Variants in ADCY7 observed in about 807,000 individuals in gnomAD.
ADCY7 encodes adenylate cyclase type 7.
In ADCY7, 72 loss-of-function variants were observed where a neutral mutation model predicts 120.6. The ratio of observed to expected loss-of-function variants is 0.60; its 90% CI spans 0.49 to 0.73. ADCY7 has a LOEUF of 0.73. Among genes scored for constraint, ADCY7 ranks in the 30% least tolerant of loss-of-function variants. The pLI, the probability that ADCY7 is intolerant of heterozygous loss-of-function variation, is 0.00. For missense variants in ADCY7, 1,227 were observed against 1,486.0 expected (o/e 0.83, Z 2.87); for synonymous variants, 661 against 628.0 (o/e 1.05, Z -0.78).
chr16:50,310,484 G>T (rs2036383839), intron 18 of ADCY7: 1 of 1,536,502 alleles, frequency 6.5e-7, no homozygotes, highest in African/African-American at 1.4e-5. Context: ...CCGTTTAAAT[G>T]AGCTCACTTC....
chr16:50,261,415 A>G lies in ADCY7; in HGVS notation c.-64+15212A>G, dbSNP rs1195954912. ...AGGTGGAGGCAGATAAGGATGGAAA[A>G]GTGAGTTGGGCCAGGTGGGGGTCCC... On this transcript the variant is annotated intron_variant, in intron 1 of 4. Transcript: ENST00000564044. Among the ~76,000 whole-genome samples the G allele has an allele frequency of 2.6e-5, 4 of 152,278 alleles. No homozygotes were observed. The East Asian group carries it at 7.7e-4, about 29-fold the overall frequency.
chr16:50,308,503 C>A, intron 16 of ADCY7, 92 bp downstream of exon 16: 1 of 1,585,214 alleles, frequency 6.3e-7, no homozygotes, highest in Admixed American at 1.7e-5. Flanking sequence ...CTGGGCTGAG[C>A]CCCTGCTCTG....
chr16:50,255,402 GAAA>G (rs60335173), intron 1 of ADCY7, among the ~76,000 whole-genome samples: 1 of 108,142 alleles, frequency 9.2e-6, no homozygotes, highest in African/African-American at 3.7e-5. Flanking sequence ...TCTGTTTCTG[GAAA>G]AAAAAAAAAA....
In ADCY7 at chr16:50,308,335, C is replaced by T. The variant is rs1567575949; in HGVS notation, c.1859C>T (p.Ala620Val). The stretch of plus-strand genomic sequence containing the variant: ...TCTTCCCTCCTCTCCAGGACGGCGG[C>T]ACTGGGTGTGTCCTTCGGGCTGGTG... ...VHVLLMPRTA[A>V]LGVSFGLVAC... The change falls in exon 16 of 26, where the codon GCA becomes GTA. Residue 620 changes from alanine to valine, a missense_variant. Physicochemically the swap from Ala to Val is moderately conservative, Grantham distance 64. Transcript: ENST00000673801. 2 of 1,614,196 alleles carry T rather than the reference C, an allele frequency of 1.2e-6. No individual in the cohort carries two copies. Among genetic ancestry groups the T allele is most frequent in the South Asian group, 1.1e-5 (1 of 91,080 alleles).
chr16:50,305,845 G>C lies in ADCY7; in HGVS notation c.1748G>C (p.Arg583Pro). 6.2e-7 allele frequency: 1 copy of C among 1,613,700 alleles called. No individual in the cohort carries two copies. The highest frequency in any genetic ancestry group is 1.1e-5 in the South Asian group (1 of 91,088). The part of the protein sequence containing the change: ...GSIFLEKGFE[R>P]EYRLAPIPRA... The stretch of plus-strand genomic sequence containing the variant: ...ATCTTCCTGGAGAAGGGCTTTGAGC[G>C]CGAGGTGAGGGCCCCCAGCAGCCTC... The change falls in exon 14 of 26, where the codon CGC becomes CCC. Residue 583 changes from arginine to proline, a missense_variant. By Grantham distance (103) the Arg-to-Pro change is moderately radical. This residue lies in a region of ADCY7 where 332 missense variants were observed against 455.8 expected (regional missense o/e 0.73). Coordinates refer to ENST00000673801, the MANE Select transcript of ADCY7 (RefSeq NM_001114.5).
intron 11 of ADCY7, 91 bp downstream of exon 11, chr16:50,304,642 C>T: frequency 7.6e-7 from 1 of 1,311,124 alleles, no homozygotes; most frequent in Non-Finnish European, 1.1e-6. Flanking sequence ...CCCTCTCAGC[C>T]TCACTGTCCC....
chr16:50,303,912 T>C (rs2151036364), intron 10 of ADCY7, among the ~76,000 whole-genome samples: 2 of 152,202 alleles, frequency 1.3e-5, no homozygotes, highest in Middle Eastern at 6.8e-3. Context: ...CAGGGTAGGA[T>C]GCCTGTGGCT....
In ADCY7 at chr16:50,308,363, CTG is replaced by C; in HGVS notation, c.1891_1892del (p.Val631ThrfsTer28). On this transcript the variant is annotated frameshift_variant, in exon 16 of 26. Transcript: ENST00000673801. LOFTEE classifies it high-confidence loss of function. Reference sequence around the variant, plus strand: ...TGGGTGTGTCCTTCGGGCTGGTGGCCTGTGTACTGGGGCTGGTGCTGGGCCTG... The same window carrying C: ...TGGGTGTGTCCTTCGGGCTGGTGGCCTGTACTGGGGCTGGTGCTGGGCCTG... Reference protein sequence around the residue: ...ALGVSFGLVACVLGLVLGLCF... With the variant: ...ALGVSFGLVAXVLGLVLGLCF... 2 of 1,614,152 alleles carry C rather than the reference CTG, an allele frequency of 1.2e-6. No individual in the cohort carries two copies. Among genetic ancestry groups the C allele is most frequent in the Non-Finnish European group, 1.7e-6 (2 of 1,180,032 alleles).
intron 1 of ADCY7, among the ~76,000 whole-genome samples, chr16:50,255,412 A>AAAAAAAACAAAAC (rs1567527430): frequency 3.4e-5 from 5 of 147,626 alleles, no homozygotes; most frequent in African/African-American, 1.2e-4. Context: ...GAAAAAAAAA[A>AAAAAAAACAAAAC]AAAAAAAAAG....
At chr16:50,298,795 C>T (rs1037497744) in intron 7 of ADCY7, 109 bp from the exon 8 acceptor site, 44 of 1,473,794 alleles carry the variant, frequency 3.0e-5, no homozygotes, top group Non-Finnish European at 3.5e-5. Context: ...GAGGCAAGCC[C>T]CCAGCCAGGA....
At chr16:50,308,607 C>G in intron 16 of ADCY7, 60 bp from the exon 17 acceptor site, 1 of 1,568,842 alleles carries the variant, frequency 6.4e-7, no homozygotes, top group Non-Finnish European at 8.6e-7. Context: ...AGGCTGCCAG[C>G]GACCAGCCCT....
intron 10 of ADCY7, among the ~76,000 whole-genome samples, chr16:50,302,151 C>T (rs896032274): frequency 3.1e-4 from 37 of 119,410 alleles, no homozygotes; most frequent in African/African-American, 9.2e-4. Context: ...CACCTGGTCT[C>T]CTCCTGCCCT....
In ADCY7 at chr16:50,287,918, G is replaced by T; in HGVS notation, c.-262G>T. 1 of 421,556 alleles carries T rather than the reference G, an allele frequency of 2.4e-6. No individual in the cohort carries two copies. The allele number at this position is 421,556 out of a possible 1,614,324, so 26.1% of individuals were successfully genotyped here. ...GTCTGCTTCGTCTCCGCAGAGCTGA[G>T]GAACTGCGTGTGGAGTCAGCCCAGT... On this transcript the variant is annotated 5_prime_UTR_variant, in exon 2 of 26. The change creates a new upstream start codon in the 5' untranslated region. Transcript: ENST00000673801.
rs533104028 is a variant in ADCY7, at chr16:50,308,273, G to C, written c.1851-54G>C. 6.4e-5 allele frequency: 104 copies of C among 1,614,014 alleles called. No homozygotes were observed. The African/African-American group carries it at 1.1e-3, about 16-fold the overall frequency. ...GTGAGCCAGAGGATTGGTGGGGGCG[G>C]TGGTCCTGGGCAGAAGGCCCTAGGC... On this transcript the variant is annotated intron_variant, in intron 15 of 25. Transcript: ENST00000673801.
chr16:50,286,598 C>G (rs904975133), intron 1 of ADCY7, among the ~76,000 whole-genome samples: 1 of 152,062 alleles, frequency 6.6e-6, no homozygotes, highest in East Asian at 1.9e-4. Context: ...TCTCAGGGCT[C>G]CTAGGATCAC....
chr16:50,255,402 G>GAAAAAAAAAAAAAAAA (rs60335173), intron 1 of ADCY7, among the ~76,000 whole-genome samples: 4 of 108,136 alleles, frequency 3.7e-5, no homozygotes, highest in African/African-American at 1.5e-4. Context: ...TCTGTTTCTG[G>GAAAAAAAAAAAAAAAA]AAAAAAAAAA....
At chr16:50,311,648 G>T in intron 19 of ADCY7, 45 bp from the exon 20 acceptor site, 1 of 1,367,364 alleles carries the variant, frequency 7.3e-7, no homozygotes, top group Non-Finnish European at 1.0e-6. Context: ...CAGTGGGTTG[G>T]AGTGGTGAGT....
Position 50,298,977 on chromosome 16 carries a change from C to T in ADCY7, c.1022C>T (p.Pro341Leu). The T allele has an allele frequency of 1.2e-6, 2 of 1,613,598 alleles. No homozygotes were observed. Among genetic ancestry groups the T allele is most frequent in the Non-Finnish European group, 1.7e-6 (2 of 1,180,012 alleles). The change falls in exon 8 of 26, where the codon CCT (proline) becomes CTT (leucine). Residue 341 changes from proline (P) to leucine (L), a missense_variant. By Grantham distance (98) the Pro-to-Leu change is moderately conservative (BLOSUM62 -3). Around this residue, in one of 5 missense-constraint regions of ADCY7, gnomAD observed 332 missense variants for 455.8 expected, o/e 0.73. Transcript: ENST00000673801. ...GTATCGGGCCTGCCCGTGTCGCTGC[C>T]TACCCACGCCCGGAACTGCGTGAAG... The part of the protein sequence containing the change: ...YCVSGLPVSL[P>L]THARNCVKMG...
chr16:50,303,365 C>T (rs373965604), intron 10 of ADCY7, among the ~76,000 whole-genome samples: 2 of 152,190 alleles, frequency 1.3e-5, no homozygotes, highest in Admixed American at 6.5e-5. Flanking sequence ...AGGAAAGTTG[C>T]GCTGTGGCTT....
Sources: allele counts gnomAD v4.1 joint callset (sites outside exome capture counted in the v4.1 genomes callset), GRCh38; gene constraint gnomAD v4.1.1; regional missense constraint gnomAD v4.1.1; transcripts MANE v1.5; gene names NCBI Gene and HGNC (gene_info 2026-07-23, HGNC 2026-07-21).